Variants in NUP210 observed in about 807,000 individuals in gnomAD.
NUP210 encodes nuclear pore membrane glycoprotein 210.
In NUP210, 151 loss-of-function variants were observed where a neutral mutation model predicts 196.0. That is an observed-to-expected ratio of 0.77 (90% CI 0.67 to 0.88). NUP210 has a LOEUF of 0.88. Among genes scored for constraint, NUP210 ranks in the 40% least tolerant of loss-of-function variants. The pLI is 0.00. For missense variants in NUP210, 2,314 were observed against 2,493.7 expected, an observed-to-expected ratio of 0.93 and a Z score of 1.53; for synonymous variants, 1,070 against 1,052.7, an observed-to-expected ratio of 1.02 and a Z score of -0.32.
chr3:13,343,088 G>A lies in NUP210; in HGVS notation c.2964+87C>T, dbSNP rs1352497390. 4 of 1,515,410 alleles carry A rather than the reference G, an allele frequency of 2.6e-6. No homozygotes were observed. The African/African-American group carries it at 4.1e-5, about 16-fold the overall frequency. The allele number at this position is 1,515,410 out of a possible 1,614,324, so 93.9% of individuals were successfully genotyped here. A position where few individuals can be genotyped will look rare whatever the true frequency, so the allele number is the denominator to read the frequency against. On this transcript the variant is annotated intron_variant, in intron 21 of 39. Transcript: ENST00000254508. ...GCAGACCACAGGAGCAAAAGCAAAG[G>A]CCATGCGGAACATTCCTCCCACAGT...
At chr3:13,382,717 C>T (rs1027516175) in intron 6 of NUP210, among the ~76,000 whole-genome samples, 2 of 152,214 alleles carry the variant, frequency 1.3e-5, no homozygotes, top group Non-Finnish European at 2.9e-5. Context: ...TGCTCTGAGG[C>T]TTCCACAGGA....
intron 35 of NUP210, 37 bp downstream of exon 35, chr3:13,322,156 C>G (rs781078082): frequency 3.1e-5 from 50 of 1,612,164 alleles, no homozygotes; most frequent in Non-Finnish European, 4.2e-5. Flanking sequence ...CAGAGACTGT[C>G]TCCAAGTCCC....
rs574362645 is a variant in NUP210, at chr3:13,346,184, G to A, written c.2836-2881C>T. ...CCTCGAAGCGTGGCCTGCCCCTCAG[G>A]CTGGTGCACAGCAGCTAAATGCACC... On this transcript the variant is annotated intron_variant, in intron 20 of 39. Coordinates refer to ENST00000254508, the MANE Select transcript of NUP210 (RefSeq NM_024923.4). Among the ~76,000 whole-genome samples, 3 of 152,348 alleles carry A rather than the reference G, an allele frequency of 2.0e-5. No individual in the cohort carries two copies. In the East Asian group the frequency reaches 5.8e-4, roughly 29 times the overall value.
chr3:13,420,032 G>A lies in NUP210; in HGVS notation c.167+28C>T. ...GCGAAGGCCCAGCCCGGCCCACGGC[G>A]CCCGCCCGGCCCGGCCGCGCGCCTC... On this transcript the variant is annotated intron_variant, in intron 1 of 39. Coordinates refer to ENST00000254508, the MANE Select transcript of NUP210 (RefSeq NM_024923.4). This position sits in a 1 kb window ranked among gnomAD's most constrained non-coding sequence, Gnocchi z 4.8. The A allele has an allele frequency of 8.4e-7, 1 of 1,189,998 alleles. No homozygotes were observed. The highest frequency in any genetic ancestry group is 4.7e-5 in the East Asian group (1 of 21,486). 73.7% of individuals were successfully genotyped at this position (1,189,998 alleles called of 1,614,324 possible).
At chr3:13,390,428 G>A (rs1433035935) in intron 4 of NUP210, among the ~76,000 whole-genome samples, 5 of 152,214 alleles carry the variant, frequency 3.3e-5, no homozygotes, top group Admixed American at 6.5e-5. Context: ...CTCAGACCTG[G>A]GACCTGCACC....
In NUP210 at chr3:13,340,367, A is replaced by G; in HGVS notation, c.3229-69T>C. On this transcript the variant is annotated intron_variant, in intron 23 of 39. Coordinates refer to ENST00000254508, the MANE Select transcript of NUP210 (RefSeq NM_024923.4). The surrounding 1 kb of genome is among the most constrained non-coding windows in gnomAD (Gnocchi z 4.0). ...CCATGGCGCCAAGCATAACTCACACACTACATGTTTCATGAGAGGAAAACC... is the reference window on the plus strand; with the variant it reads ...CCATGGCGCCAAGCATAACTCACACGCTACATGTTTCATGAGAGGAAAACC... The G allele has an allele frequency of 7.3e-7, 1 of 1,375,348 alleles. No individual in the cohort carries two copies. Among genetic ancestry groups the G allele is most frequent in the Non-Finnish European group, 1.0e-6 (1 of 967,702 alleles). 85.2% of individuals were successfully genotyped at this position (1,375,348 alleles called of 1,614,324 possible).
intron 20 of NUP210, among the ~76,000 whole-genome samples, chr3:13,344,356 T>C (rs2124866182): frequency 6.6e-6 from 1 of 152,318 alleles, no homozygotes; most frequent in Admixed American, 6.5e-5. Context: ...GTCCTGGAGC[T>C]GGGCAAGTAG....
At chr3:13,372,183 G>C (rs1373992494) in intron 12 of NUP210, 151 bp from the exon 13 acceptor site, 7 of 755,810 alleles carry the variant, frequency 9.3e-6, no homozygotes, top group African/African-American at 7.1e-5. Context: ...CAGGGACAGA[G>C]AGCAGGGGAG....
At chr3:13,394,456 C>T (rs1332951360) in intron 3 of NUP210, among the ~76,000 whole-genome samples, 2 of 152,232 alleles carry the variant, frequency 1.3e-5, no homozygotes, top group Non-Finnish European at 2.9e-5. Context: ...AGGGCAGATC[C>T]CAGCCATGTG....
At chr3:13,337,758 G>T in intron 26 of NUP210, 79 bp downstream of exon 26, 1 of 1,325,774 alleles carries the variant, frequency 7.5e-7, no homozygotes, top group Non-Finnish European at 1.0e-6. Flanking sequence ...AGGAGGTGGA[G>T]AAGCACTCTA....
chr3:13,385,727 T>C (rs182389037), intron 6 of NUP210, among the ~76,000 whole-genome samples: 7 of 152,346 alleles, frequency 4.6e-5, no homozygotes, highest in South Asian at 4.1e-4. Context: ...TTGCTCACTA[T>C]GTTCACAGCA....
chr3:13,340,711 AG>A lies in NUP210; in HGVS notation c.3229-414del, dbSNP rs1412798536. Among the ~76,000 whole-genome samples, 1 of 152,106 alleles carries A rather than the reference AG, an allele frequency of 6.6e-6. No individual in the cohort carries two copies. Among genetic ancestry groups the A allele is most frequent in the Non-Finnish European group, 1.5e-5 (1 of 68,008 alleles). ...CCCCAGCCACCTGGCCTGTGGAGCC[AG>A]GGGTGGCCCCACAGGACAGCCCTGC... is the stretch of plus-strand genomic sequence containing the variant. On this transcript the variant is annotated intron_variant, in intron 23 of 39. Coordinates refer to ENST00000254508, the MANE Select transcript of NUP210 (RefSeq NM_024923.4). This position sits in a 1 kb window ranked among gnomAD's most constrained non-coding sequence, Gnocchi z 4.0.
rs779691713 is a variant in NUP210, at chr3:13,323,448, A to C, written c.4645-16T>G. The C allele has an allele frequency of 2.5e-6, 4 of 1,613,470 alleles. No homozygotes were observed. The Admixed American group carries it at 6.7e-5, about 27-fold the overall frequency. On this transcript the variant is annotated splice_polypyrimidine_tract_variant and intron_variant, in intron 33 of 39. Coordinates refer to ENST00000254508, the MANE Select transcript of NUP210 (RefSeq NM_024923.4). The surrounding 1 kb of genome is among the most constrained non-coding windows in gnomAD (Gnocchi z 4.3). ...TGACCACCACCTAGAGAGGGAGCCA[A>C]GGAAGCTTCATGGAGCGCCGCCTGT...
At chr3:13,362,185 T>C (rs1698393901) in intron 14 of NUP210, among the ~76,000 whole-genome samples, 1 of 152,008 alleles carries the variant, frequency 6.6e-6, no homozygotes, top group Non-Finnish European at 1.5e-5. Context: ...AAAAACCTTA[T>C]AAGAAAAATA....
At chr3:13,333,167 C>A (rs1193028302) in intron 28 of NUP210, among the ~76,000 whole-genome samples, 6 of 152,210 alleles carry the variant, frequency 3.9e-5, no homozygotes, top group African/African-American at 1.4e-4. Flanking sequence ...TCCTGGGACG[C>A]CCAAGTGCTC....
At chr3:13,366,320 C>T (rs950283419) in intron 13 of NUP210, among the ~76,000 whole-genome samples, 2 of 151,292 alleles carry the variant, frequency 1.3e-5, no homozygotes, top group African/African-American at 4.9e-5. Flanking sequence ...TTAATAGAGA[C>T]GGGGTTTCAT....
chr3:13,399,957 T>A (rs1305893644), intron 1 of NUP210, 96 bp from the exon 2 acceptor site: 1 of 1,414,162 alleles, frequency 7.1e-7, no homozygotes, highest in Non-Finnish European at 9.5e-7. Context: ...TAGGGCGCAG[T>A]CCTGGACCCA....
chr3:13,335,489 G>A lies in NUP210; in HGVS notation c.3808C>T (p.Leu1270=), dbSNP rs1244908213. The A allele has an allele frequency of 1.5e-5, 24 of 1,613,956 alleles. No individual in the cohort carries two copies. The highest frequency in any genetic ancestry group is 1.9e-5 in the Non-Finnish European group (23 of 1,180,016). The change falls in exon 28 of 40, where the codon CTG becomes TTG. Residue 1270 remains leucine (L), a synonymous_variant. Coordinates refer to ENST00000254508, the MANE Select transcript of NUP210 (RefSeq NM_024923.4). The part of the protein sequence containing the change: ...VDPTSGQLYG[L]ARELSDEIQV... ...ATCTCATCCGAGAGTTCTCTGGCCAGGCCATACAGCTGCCCCGATGTGGGG... is the reference window on the plus strand; with the variant it reads ...ATCTCATCCGAGAGTTCTCTGGCCAAGCCATACAGCTGCCCCGATGTGGGG...
intron 1 of NUP210, among the ~76,000 whole-genome samples, chr3:13,403,731 T>A (rs1158751783): frequency 6.6e-6 from 1 of 152,024 alleles, no homozygotes; most frequent in East Asian, 1.9e-4. Flanking sequence ...AGAAAGTCCC[T>A]CCTCTCAGCA....
Sources: gnomAD v4.1 joint callset for allele counts (sites outside exome capture counted in the v4.1 genomes callset) on GRCh38, gnomAD v4.1.1 for gene constraint, Gnocchi (gnomAD v3.1) non-coding constraint, MANE v1.5 for transcripts, NCBI Gene and HGNC (gene_info 2026-07-23, HGNC 2026-07-21) for gene names.